The following SLC25A53 variants were observed in gnomAD, a reference collection of about 807,000 sequenced individuals.
SLC25A53 encodes the protein solute carrier family 25 member 53.
A neutral mutation model predicts 15.0 loss-of-function variants in SLC25A53; 5 were observed. That is an observed-to-expected ratio of 0.33 (90% CI 0.17 to 0.70). The LOEUF (loss-of-function observed/expected upper bound fraction) is 0.70. Among genes scored for constraint, SLC25A53 ranks in the 30% least tolerant of loss-of-function variants. The probability of loss-of-function intolerance (pLI) is 0.67; values close to 1 mark genes in which losing one functional copy is unlikely to be tolerated. For synonymous variants in SLC25A53, 95 were observed against 100.0 expected (o/e 0.95, Z 0.30); for missense variants, 216 against 241.6 (o/e 0.89, Z 0.70).
At chrX:104,114,980 C>T (rs1556360838) in intron 1 of SLC25A53, 11 of 1,193,432 alleles carry the variant, frequency 9.2e-6, no homozygotes, top group Non-Finnish European at 1.2e-5. Flanking sequence ...CCTTCACTGA[C>T]ACCTACAGGT....
intron 1 of SLC25A53, among the ~76,000 whole-genome samples, chrX:104,127,999 T>C (rs2075415727): frequency 9.1e-6 from 1 of 110,287 alleles, no homozygotes; most frequent in Admixed American, 9.7e-5. Flanking sequence ...AAAAAACTAG[T>C]GTGGGATTCC....
intron 1 of SLC25A53, among the ~76,000 whole-genome samples, chrX:104,125,140 G>A (rs1461487773): frequency 7.2e-5 from 8 of 110,489 alleles, no homozygotes; most frequent in Admixed American, 4.8e-4. Flanking sequence ...CCACCACGCC[G>A]GGCCAAAAAA....
rs1186146077 is a variant in SLC25A53, at chrX:104,104,311, C to G, written c.*23G>C. 5.8e-5 allele frequency: 69 copies of G among 1,190,599 alleles called. No homozygotes were observed. In the African/African-American group the frequency reaches 1.0e-3, roughly 17 times the overall value. On this transcript the variant is annotated 3_prime_UTR_variant, in exon 2 of 2. Coordinates refer to ENST00000594199, the MANE Select transcript of SLC25A53 (RefSeq NM_001012755.5). ...CCAGGGAAGATTTAGAATAACAAAG[C>G]TGCCATGCCACACTTTCTGCAGCTA...
Position 104,105,208 on chromosome X carries a change from C to T in SLC25A53, c.50G>A (p.Arg17Gln), listed in dbSNP as rs140731932. The T allele has an allele frequency of 6.7e-4, 805 of 1,210,218 alleles. 2 individuals carry two copies. In the African/African-American group the frequency reaches 0.011, roughly 17 times the overall value. Residue 17 changes from arginine to glutamine, a missense_variant, in exon 2 of 2, where the codon CGA becomes CAA. Coordinates refer to ENST00000594199, the MANE Select transcript of SLC25A53 (RefSeq NM_001012755.5). Reference sequence around the variant, plus strand: ...GCTTTTCTTTCCTGGAGCCTCTGCTCGCGTCCTGTGCTGAAGCTCCTTCCC... The same window carrying T: ...GCTTTTCTTTCCTGGAGCCTCTGCTTGCGTCCTGTGCTGAAGCTCCTTCCC... Reference protein sequence around the residue: ...SPGKELQHRTRAEAPGKKSWH... With the variant: ...SPGKELQHRTQAEAPGKKSWH...
At chrX:104,135,803 G>A (rs782486923) in intron 1 of SLC25A53, among the ~76,000 whole-genome samples, 78 of 112,008 alleles carry the variant, frequency 7.0e-4, no homozygotes, top group Admixed American at 1.9e-4. Context: ...ATGTACTGGA[G>A]CCTATGCTAA....
chrX:104,123,506 T>C (rs1398561681), intron 1 of SLC25A53, among the ~76,000 whole-genome samples: 2 of 111,922 alleles, frequency 1.8e-5, no homozygotes, highest in African/African-American at 6.5e-5. Context: ...TTGAGAGAAA[T>C]TGTTCTAATA....
chrX:104,140,322 C>CATGT (rs376339338), intron 1 of SLC25A53, among the ~76,000 whole-genome samples: 1 of 100,896 alleles, frequency 9.9e-6, no homozygotes, highest in African/African-American at 3.6e-5. Flanking sequence ...GACAGGATTC[C>CATGT]GTGTGTGTGT....
chrX:104,104,503 C>T lies in SLC25A53; in HGVS notation c.755G>A (p.Trp252Ter). 8.3e-7 allele frequency: 1 copy of T among 1,211,917 alleles called. No individual in the cohort carries two copies. The change falls in exon 2 of 2, where the codon TGG becomes TAG. Residue 252 changes from tryptophan (W) to a stop codon, truncating the protein, a stop_gained. Transcript: ENST00000594199. LOFTEE classifies it high-confidence loss of function. The part of the protein sequence containing the change: ...HIGWQNMPSL[W>*]ASAQDVWNTR... ...GTTCCATACATCCTGGGCAGAGGCC[C>T]ACAGGCTTGGCATGTTCTGCCATCC...
At chrX:104,138,298 T>C (rs782713300) in intron 1 of SLC25A53, among the ~76,000 whole-genome samples, 3 of 111,514 alleles carry the variant, frequency 2.7e-5, no homozygotes, top group African/African-American at 6.5e-5. Flanking sequence ...TTCCAGTTAC[T>C]GGGGAGGCTG....
Position 104,104,914 on chromosome X carries a change from C to G in SLC25A53, c.344G>C (p.Gly115Ala), listed in dbSNP as rs1184580428. The G allele has an allele frequency of 1.7e-6, 2 of 1,209,811 alleles. No homozygotes were observed. Among genetic ancestry groups the G allele is most frequent in the Non-Finnish European group, 2.2e-6 (2 of 895,291 alleles). ...FLSPVGPHTL[G>A]HRWAAGLMSG... ...CATGAGCCCGGCAGCCCAGCGGTGTCCCAGGGTGTGTGGCCCAACAGGAGA... is the reference window on the plus strand; with the variant it reads ...CATGAGCCCGGCAGCCCAGCGGTGTGCCAGGGTGTGTGGCCCAACAGGAGA... Residue 115 changes from glycine to alanine, a missense_variant, in exon 2 of 2, where the codon GGA becomes GCA. Gly to Ala is a moderately conservative substitution (Grantham distance 60). Transcript: ENST00000594199.
chrX:104,124,614 C>T (rs1004189292), intron 1 of SLC25A53, among the ~76,000 whole-genome samples: 6 of 109,302 alleles, frequency 5.5e-5, no homozygotes, highest in African/African-American at 1.0e-4. Flanking sequence ...ATTAGCCAGG[C>T]GTAGTGGCAC....
rs1343357693 is a variant in SLC25A53 at position 104,103,445 on chromosome X, C to G, written c.*889G>C. 8.1e-5 allele frequency: 9 copies of G among 111,605 alleles called. No homozygotes were observed. The highest frequency in any genetic ancestry group is 1.5e-4 in the Non-Finnish European group (8 of 53,181). The allele number at this position is 111,605 out of a possible 1,213,427, so 9.2% of individuals were successfully genotyped here. ...TATGATGACCATATTTTGAATGGCTCTGAATGACAGGCTAAGATTTCTGAT... is the reference window on the plus strand; with the variant it reads ...TATGATGACCATATTTTGAATGGCTGTGAATGACAGGCTAAGATTTCTGAT... On this transcript the variant is annotated 3_prime_UTR_variant, in exon 2 of 2. Coordinates refer to ENST00000594199, the MANE Select transcript of SLC25A53 (RefSeq NM_001012755.5).
chrX:104,116,012 C>T lies in SLC25A53; in HGVS notation c.-31-10724G>A, dbSNP rs181293992. On this transcript the variant is annotated intron_variant, in intron 1 of 1. Transcript: ENST00000594199. ...GAATATCTCCCATACAACCCCTTAA[C>T]ACAACTGACCTGTCTCCTAGGTCAT... is the stretch of plus-strand genomic sequence containing the variant. Among the ~76,000 whole-genome samples the T allele has an allele frequency of 6.8e-3, 751 of 110,376 alleles. 5 individuals are homozygous for T. The highest frequency in any genetic ancestry group is 0.012 in the Non-Finnish European group (617 of 52,801).
intron 1 of SLC25A53, among the ~76,000 whole-genome samples, chrX:104,125,292 A>G (rs1206084963): frequency 9.0e-6 from 1 of 111,618 alleles, no homozygotes; most frequent in East Asian, 2.8e-4. Flanking sequence ...GTTGGGTCAT[A>G]GCAGGTACGT....
chrX:104,148,884 A>C (rs1228660203), intron 1 of SLC25A53, among the ~76,000 whole-genome samples: 1 of 112,448 alleles, frequency 8.9e-6, no homozygotes, highest in African/African-American at 3.2e-5. Flanking sequence ...GGCCACTGTT[A>C]ATATTATTAC....
intron 1 of SLC25A53, among the ~76,000 whole-genome samples, chrX:104,150,693 T>C (rs1166928820): frequency 4.5e-5 from 5 of 112,226 alleles, no homozygotes; most frequent in African/African-American, 1.6e-4. Context: ...AATCACAGAA[T>C]TATTCCCATT....
intron 1 of SLC25A53, among the ~76,000 whole-genome samples, chrX:104,145,643 C>G (rs1222880223): frequency 6.2e-5 from 7 of 112,174 alleles, no homozygotes; most frequent in Non-Finnish European, 1.3e-4. Context: ...ACCGATCCCA[C>G]AGAACTACAA....
At chrX:104,115,490 G>A in intron 1 of SLC25A53, 1 of 464,493 alleles carries the variant, frequency 2.2e-6, no homozygotes, top group Non-Finnish European at 3.7e-6. Flanking sequence ...GGGGAATGGT[G>A]TGACCTCTGT....
intron 1 of SLC25A53, chrX:104,115,391 G>T (rs1419546579): frequency 8.9e-6 from 9 of 1,011,948 alleles, no homozygotes; most frequent in Non-Finnish European, 1.2e-5. Flanking sequence ...TAACAGGAGA[G>T]GGGGGTGGGT....
Sources: gnomAD v4.1 joint callset for allele counts (sites outside exome capture counted in the v4.1 genomes callset) on GRCh38, gnomAD v4.1.1 for gene constraint, MANE v1.5 for transcripts, NCBI Gene and HGNC (gene_info 2026-07-23, HGNC 2026-07-21) for gene names.